Variants in TUSC3 observed in about 807,000 individuals in gnomAD.
TUSC3 encodes dolichyl-diphosphooligosaccharide--protein glycosyltransferase subunit TUSC3.
In TUSC3, 45 loss-of-function variants were observed where a neutral mutation model predicts 44.8. The observed-to-expected ratio is 1.00, with a 90% confidence interval of 0.79 to 1.29. The LOEUF (loss-of-function observed/expected upper bound fraction) is 1.29. TUSC3 is among the 50% of genes most tolerant of loss of function. The pLI is 0.00. For synonymous variants in TUSC3, 212 were observed against 152.9 expected (o/e 1.39, Z -2.85); for missense variants, 519 against 437.9 (o/e 1.19, Z -1.65).
At chr8:15,621,644 TAGATA>T (rs1436497662) in intron 1 of TUSC3, among the ~76,000 whole-genome samples, 3 of 148,292 alleles carry the variant, frequency 2.0e-5, no homozygotes, top group African/African-American at 7.3e-5. Flanking sequence ...TAAATCTATA[TAGATA>T]AATCTATAGC....
chr8:15,626,199 C>T (rs1230111470), intron 2 of TUSC3, among the ~76,000 whole-genome samples: 2 of 152,178 alleles, frequency 1.3e-5, no homozygotes, highest in African/African-American at 4.8e-5. Context: ...GGAGCCTCTG[C>T]CACTCCAGAC....
chr8:15,804,655 T>C, the TUSC3 span, among the ~76,000 whole-genome samples: 1 of 152,108 alleles, frequency 6.6e-6, no homozygotes, highest in East Asian at 1.9e-4. Context: ...TATTACTGAG[T>C]TCTTTATTCT....
chr8:15,657,895 T>G (rs1003809992), intron 3 of TUSC3, among the ~76,000 whole-genome samples: 1 of 152,144 alleles, frequency 6.6e-6, no homozygotes, highest in African/African-American at 2.4e-5. Flanking sequence ...AATATTTAAA[T>G]ATTTACCTGC....
chr8:15,822,335 G>C, the TUSC3 span, among the ~76,000 whole-genome samples: 2 of 152,130 alleles, frequency 1.3e-5, no homozygotes, highest in Admixed American at 6.5e-5. Flanking sequence ...TAAAAAAATA[G>C]AGTTTGCACT....
At chr8:15,521,168 C>G (rs1044087999) in intron 2 of TUSC3, among the ~76,000 whole-genome samples, 1 of 152,112 alleles carries the variant, frequency 6.6e-6, no homozygotes, top group Non-Finnish European at 1.5e-5. Context: ...AATTTTCTGG[C>G]TCTTTGCCTG....
At chr8:15,849,809 C>CA in the TUSC3 span, among the ~76,000 whole-genome samples, 3,187 of 149,944 alleles carry the variant, frequency 0.021, 102 homozygotes, top group African/African-American at 0.074. Flanking sequence ...TTGAAGCCTA[C>CA]AAAAAAAAAA....
chr8:15,795,909 G>A, the TUSC3 span, among the ~76,000 whole-genome samples: 1 of 152,190 alleles, frequency 6.6e-6, no homozygotes, highest in Non-Finnish European at 1.5e-5. Flanking sequence ...GAATGCCACA[G>A]GGTCAGATGA....
intron 1 of TUSC3, among the ~76,000 whole-genome samples, chr8:15,442,498 T>G (rs1490279666): frequency 1.3e-5 from 2 of 152,176 alleles, no homozygotes; most frequent in East Asian, 3.9e-4. Flanking sequence ...GGTGATCTGA[T>G]TAGCTGTTCC....
At chr8:15,719,175 C>T (rs935854185) in intron 6 of TUSC3, among the ~76,000 whole-genome samples, 2 of 151,990 alleles carry the variant, frequency 1.3e-5, no homozygotes, top group African/African-American at 4.8e-5. Context: ...TATGACTCAC[C>T]ATGTAATTCA....
In TUSC3 at chr8:15,758,970, G is replaced by C. The variant is rs557036096; in HGVS notation, c.*46+1115G>C. On this transcript the variant is annotated intron_variant, in intron 10 of 10. Transcript: ENST00000503731. ...TGTTTTAGACTCAAAGACTTTTCTG[G>C]GTTTAGCAATCTTCTATTACAGAGA... is the stretch of plus-strand genomic sequence containing the variant. Among the ~76,000 whole-genome samples the C allele has an allele frequency of 5.3e-5, 8 of 152,120 alleles. No individual in the cohort carries two copies. In the South Asian group the frequency reaches 1.7e-3, roughly 32 times the overall value.
At chr8:15,493,287 G>T (rs1800834090) in intron 2 of TUSC3, among the ~76,000 whole-genome samples, 1 of 151,994 alleles carries the variant, frequency 6.6e-6, no homozygotes, top group Non-Finnish European at 1.5e-5. Flanking sequence ...AGGAGACAGG[G>T]TCTCTCTCTG....
chr8:15,666,425 C>T (rs920384560), intron 5 of TUSC3, among the ~76,000 whole-genome samples: 1 of 151,176 alleles, frequency 6.6e-6, no homozygotes, highest in African/African-American at 2.4e-5. Flanking sequence ...TTTCTTTTGC[C>T]CCAAATAAAT....
intron 2 of TUSC3, among the ~76,000 whole-genome samples, chr8:15,649,540 C>T (rs906505249): frequency 1.3e-5 from 2 of 150,724 alleles, no homozygotes; most frequent in East Asian, 2.0e-4. Flanking sequence ...GCCGAGATCG[C>T]GCCACTGCAC....
chr8:15,523,381 C>T (rs1056594519), intron 2 of TUSC3, among the ~76,000 whole-genome samples: 5 of 151,986 alleles, frequency 3.3e-5, no homozygotes, highest in African/African-American at 1.2e-4. Flanking sequence ...ATGTGATGTA[C>T]ATTTTGCAGT....
chr8:15,837,139 A>T, the TUSC3 span, among the ~76,000 whole-genome samples: 37 of 152,186 alleles, frequency 2.4e-4, no homozygotes, highest in African/African-American at 8.7e-4. Context: ...GCTGTAGTGG[A>T]TAAATCTGAG....
intron 1 of TUSC3, among the ~76,000 whole-genome samples, chr8:15,418,017 A>G (rs1447447887): frequency 6.6e-6 from 1 of 152,200 alleles, no homozygotes; most frequent in African/African-American, 2.4e-5. Flanking sequence ...CTTGAAAACA[A>G]AAGCTTCCCA....
chr8:15,731,151 C>G (rs532675116), intron 7 of TUSC3, among the ~76,000 whole-genome samples: 1 of 152,090 alleles, frequency 6.6e-6, no homozygotes, highest in African/African-American at 2.4e-5. Context: ...TAGAGTGGTT[C>G]AACATGCCTT....
intron 9 of TUSC3, among the ~76,000 whole-genome samples, chr8:15,752,533 T>G (rs909137963): frequency 6.6e-6 from 1 of 152,134 alleles, no homozygotes; most frequent in Non-Finnish European, 1.5e-5. Flanking sequence ...GATGAGTTTT[T>G]GGGATTTTTT....
At chr8:15,452,512 G>T (rs1489740782) in intron 1 of TUSC3, among the ~76,000 whole-genome samples, 2 of 152,140 alleles carry the variant, frequency 1.3e-5, no homozygotes, top group Non-Finnish European at 2.9e-5. Flanking sequence ...AACTTTAAAA[G>T]GTAAAACATA....
Sources: gnomAD v4.1 joint callset for allele counts (sites outside exome capture counted in the v4.1 genomes callset) on GRCh38, gnomAD v4.1.1 for gene constraint, MANE v1.5 for transcripts, NCBI Gene and HGNC (gene_info 2026-07-23, HGNC 2026-07-21) for gene names.